Variants in DPP10 observed in about 807,000 individuals in gnomAD.
DPP10 encodes inactive dipeptidyl peptidase 10.
Under a neutral mutation model 120.9 loss-of-function variants are expected in DPP10, and 33 were observed. The observed-to-expected ratio is 0.27, with a 90% confidence interval of 0.21 to 0.37. The LOEUF (loss-of-function observed/expected upper bound fraction) is 0.37. Ranked by LOEUF, DPP10 falls within the 10% of genes least tolerant of loss-of-function variation. The pLI, the probability that DPP10 is intolerant of heterozygous loss-of-function variation, is 1.00. For missense variants in DPP10, 816 were observed against 942.8 expected (o/e 0.87, Z 1.76); for synonymous variants, 337 against 326.1 (o/e 1.03, Z -0.36).
chr2:115,393,322 A>AAG (rs1238596694), intron 3 of DPP10, among the ~76,000 whole-genome samples: 5 of 152,180 alleles, frequency 3.3e-5, no homozygotes, highest in Non-Finnish European at 7.3e-5. Flanking sequence ...AAAAAAAAAA[A>AAG]AAATCTATAT....
At chr2:115,466,337 A>C (rs1308473251) in intron 3 of DPP10, among the ~76,000 whole-genome samples, 1 of 152,206 alleles carries the variant, frequency 6.6e-6, no homozygotes, top group African/African-American at 2.4e-5. Flanking sequence ...AACATTTTGT[A>C]GAGCTACTAT....
chr2:115,764,994 A>C (rs1054521916), intron 12 of DPP10, among the ~76,000 whole-genome samples: 1 of 152,170 alleles, frequency 6.6e-6, no homozygotes, highest in African/African-American at 2.4e-5. Flanking sequence ...ATATTTGGTC[A>C]AGGGAATAGA....
At chr2:115,319,227 T>C (rs752560327) in intron 2 of DPP10, among the ~76,000 whole-genome samples, 20 of 152,170 alleles carry the variant, frequency 1.3e-4, no homozygotes, top group Admixed American at 3.3e-4. Flanking sequence ...GCCACTCTTA[T>C]ATTCCTGGAA....
chr2:114,817,362 G>T (rs1001934969), intron 1 of DPP10, among the ~76,000 whole-genome samples: 2 of 151,810 alleles, frequency 1.3e-5, no homozygotes, highest in African/African-American at 4.8e-5. Context: ...ATGAAGCTAT[G>T]CCACTCTTAT....
chr2:115,403,358 C>T, intron 3 of DPP10, among the ~76,000 whole-genome samples: 1 of 144,940 alleles, frequency 6.9e-6, no homozygotes, highest in Admixed American at 6.9e-5. Context: ...ACTGTCACTA[C>T]TTCTCTCTTT....
intron 1 of DPP10, among the ~76,000 whole-genome samples, chr2:114,929,985 G>A (rs1176123907): frequency 6.6e-6 from 1 of 152,154 alleles, no homozygotes; most frequent in Non-Finnish European, 1.5e-5. Context: ...CCTCCGTTCA[G>A]GGTCCCTGAC....
intron 1 of DPP10, among the ~76,000 whole-genome samples, chr2:114,934,952 C>A (rs549476175): frequency 6.6e-6 from 1 of 152,250 alleles, no homozygotes; most frequent in South Asian, 2.1e-4. Context: ...ACATCATCAT[C>A]ATAATCATAT....
At position 115,743,493 on chromosome 2, in the gene DPP10, T is replaced by G. The variant is rs191478476; in HGVS notation, c.853-2593T>G. On this transcript the variant is annotated intron_variant, in intron 9 of 25. Coordinates refer to ENST00000410059, the MANE Select transcript of DPP10 (RefSeq NM_020868.6). ...GTAAGAATTCACAGAAAGATCTAAT[T>G]TAATTTAATTTCCCGCTTGCTTTAA... Among the ~76,000 whole-genome samples the G allele has an allele frequency of 2.0e-5, 3 of 152,286 alleles. No homozygotes were observed. The East Asian group carries it at 5.8e-4, about 29-fold the overall frequency.
intron 1 of DPP10, among the ~76,000 whole-genome samples, chr2:115,122,170 G>T (rs1279776747): frequency 6.6e-6 from 1 of 152,062 alleles, no homozygotes; most frequent in African/African-American, 2.4e-5. Flanking sequence ...GTGCTTACTG[G>T]GTACCCATAA....
intron 1 of DPP10, among the ~76,000 whole-genome samples, chr2:115,147,055 T>C (rs1441645851): frequency 6.6e-6 from 1 of 152,104 alleles, no homozygotes; most frequent in African/African-American, 2.4e-5. Context: ...CAAATACTTC[T>C]AGCATTATGA....
intron 2 of DPP10, among the ~76,000 whole-genome samples, chr2:115,317,527 A>G (rs1273883006): frequency 6.6e-6 from 1 of 152,116 alleles, no homozygotes; most frequent in East Asian, 1.9e-4. Flanking sequence ...CTGTGTTTAA[A>G]TGTCTGAAGA....
chr2:114,534,730 A>G (rs1686341513), intron 1 of DPP10, among the ~76,000 whole-genome samples: 1 of 151,540 alleles, frequency 6.6e-6, no homozygotes, highest in Admixed American at 6.6e-5. Context: ...GGGAATACGT[A>G]TCAACAATTT....
chr2:115,118,382 C>G (rs978167728), intron 1 of DPP10, among the ~76,000 whole-genome samples: 5 of 152,186 alleles, frequency 3.3e-5, no homozygotes, highest in Non-Finnish European at 5.9e-5. Flanking sequence ...AGACTGCTCA[C>G]TGGTTAGCTA....
intron 1 of DPP10, among the ~76,000 whole-genome samples, chr2:114,460,965 C>G (rs1374310598): frequency 6.6e-6 from 1 of 152,168 alleles, no homozygotes; most frequent in East Asian, 1.9e-4. Context: ...AGATGATTTT[C>G]ATGACTATGA....
chr2:114,630,736 T>G (rs1694858342), intron 1 of DPP10, among the ~76,000 whole-genome samples: 3 of 152,144 alleles, frequency 2.0e-5, no homozygotes, highest in Non-Finnish European at 2.9e-5. Flanking sequence ...TAGAAGGGAT[T>G]TGACAGATTG....
At chr2:115,156,729 C>T (rs143414344) in intron 1 of DPP10, among the ~76,000 whole-genome samples, 160 of 152,180 alleles carry the variant, frequency 1.1e-3, no homozygotes, top group African/African-American at 3.5e-3. Flanking sequence ...GTTATGGAAA[C>T]GAGAAATACC....
At chr2:115,209,118 T>C (rs545830345) in intron 1 of DPP10, among the ~76,000 whole-genome samples, 2 of 152,106 alleles carry the variant, frequency 1.3e-5, no homozygotes, top group African/African-American at 4.8e-5. Flanking sequence ...ACTATCTTAA[T>C]CTCAAAAAGA....
In DPP10 at chr2:114,605,841, A is replaced by G. The variant is rs538943750; in HGVS notation, c.60+163003A>G. Reference sequence around the variant, plus strand: ...ACTTCAAAGTAAGGATGAAGGTCCAATTGTTTTGCCAAGAACTGGGCTTGG... The same window carrying G: ...ACTTCAAAGTAAGGATGAAGGTCCAGTTGTTTTGCCAAGAACTGGGCTTGG... On this transcript the variant is annotated intron_variant, in intron 1 of 25. Transcript: ENST00000410059. Among the ~76,000 whole-genome samples, 3 of 152,234 alleles carry G rather than the reference A, an allele frequency of 2.0e-5. No homozygotes were observed. The East Asian group carries it at 5.8e-4, about 29-fold the overall frequency.
At chr2:115,612,801 G>A (rs1169248034) in intron 5 of DPP10, among the ~76,000 whole-genome samples, 1 of 151,246 alleles carries the variant, frequency 6.6e-6, no homozygotes, top group Non-Finnish European at 1.5e-5. Context: ...ATAAAATTAT[G>A]AAATAGAGAG....
Sources: gnomAD v4.1 joint callset for allele counts (sites outside exome capture counted in the v4.1 genomes callset) on GRCh38, gnomAD v4.1.1 for gene constraint, MANE v1.5 for transcripts, NCBI Gene and HGNC (gene_info 2026-07-23, HGNC 2026-07-21) for gene names.